PTPRT: variants seen among roughly 807,000 people sequenced by gnomAD.
PTPRT encodes protein tyrosine phosphatase receptor type T.
In PTPRT, 56 loss-of-function variants were observed where a neutral mutation model predicts 176.8. That is an observed-to-expected ratio of 0.32 (90% CI 0.26 to 0.40). PTPRT has a LOEUF of 0.40. Ranked by LOEUF, PTPRT falls within the 10% of genes least tolerant of loss-of-function variation. The pLI is 1.00. For missense variants in PTPRT, 1,540 were observed against 1,908.2 expected (o/e 0.81, Z 3.60); for synonymous variants, 783 against 739.0 (o/e 1.06, Z -0.96).
At chr20:42,180,357 T>C (rs1990466549) in intron 16 of PTPRT, among the ~76,000 whole-genome samples, 2 of 152,186 alleles carry the variant, frequency 1.3e-5, no homozygotes, top group Non-Finnish European at 2.9e-5. Context: ...ATCTGTTACC[T>C]TTTTAAAGTC....
intron 4 of PTPRT, among the ~76,000 whole-genome samples, chr20:42,779,693 G>A (rs572387355): frequency 6.6e-5 from 10 of 152,288 alleles, no homozygotes; most frequent in East Asian, 1.9e-4. Context: ...GACTCTTGAC[G>A]CTGTACCATA....
At chr20:42,164,003 C>T (rs1019310655) in intron 16 of PTPRT, among the ~76,000 whole-genome samples, 1 of 152,214 alleles carries the variant, frequency 6.6e-6, no homozygotes, top group Non-Finnish European at 1.5e-5. Flanking sequence ...TTTGATTCAT[C>T]TAGAGATGGT....
rs149182040 is a variant in PTPRT, at chr20:42,805,734, C to T, written c.215-14268G>A. Among the ~76,000 whole-genome samples the T allele has an allele frequency of 2.0e-3, 300 of 152,170 alleles. 2 individuals carry two copies. Among genetic ancestry groups the T allele is most frequent in the African/African-American group, 7.0e-3 (291 of 41,496 alleles). On this transcript the variant is annotated intron_variant, in intron 2 of 30. Coordinates refer to ENST00000373187, the MANE Select transcript of PTPRT (RefSeq NM_007050.6). Reference sequence around the variant, plus strand: ...GAAGTACCTTTGCAACGATTATTTCCCCAGGAAGGATCTATGAATGGTGTA... The same window carrying T: ...GAAGTACCTTTGCAACGATTATTTCTCCAGGAAGGATCTATGAATGGTGTA...
chr20:42,459,334 G>A (rs533736641), intron 8 of PTPRT, among the ~76,000 whole-genome samples: 30 of 152,308 alleles, frequency 2.0e-4, no homozygotes, highest in African/African-American at 3.6e-4. Flanking sequence ...GTGAAACTTC[G>A]GGTTTTTAAT....
At chr20:43,022,887 G>C (rs1285304773) in intron 1 of PTPRT, among the ~76,000 whole-genome samples, 1 of 152,162 alleles carries the variant, frequency 6.6e-6, no homozygotes, top group Non-Finnish European at 1.5e-5. Flanking sequence ...GGTTACTCCA[G>C]ACCTGCAGGG....
rs915458163 is a variant in PTPRT, at chr20:42,100,438, C to CT, written c.3714+1685dup. 4.5e-4 allele frequency among the ~76,000 whole-genome samples: 68 copies of CT among 152,200 alleles called. 1 individual carries two copies. Among genetic ancestry groups the CT allele is most frequent in the Middle Eastern group, 3.4e-3 (1 of 294 alleles). ...TGGGCTGGAATACAGATAAGGACGA[C>CT]TTTTTTTTGTTTTTAATATCAGAAA... On this transcript the variant is annotated intron_variant, in intron 26 of 30. Transcript: ENST00000373187.
intron 2 of PTPRT, among the ~76,000 whole-genome samples, chr20:42,805,818 C>T (rs1365116165): frequency 6.6e-6 from 1 of 152,060 alleles, no homozygotes; most frequent in Non-Finnish European, 1.5e-5. Flanking sequence ...ATCACGTGCC[C>T]ATATGCAATT....
chr20:42,256,819 G>C (rs1274990522), intron 13 of PTPRT, among the ~76,000 whole-genome samples: 1 of 152,172 alleles, frequency 6.6e-6, no homozygotes, highest in Non-Finnish European at 1.5e-5. Flanking sequence ...GAAACAAAAA[G>C]AGATGGTGGA....
intron 14 of PTPRT, among the ~76,000 whole-genome samples, chr20:42,245,620 T>A (rs1212779546): frequency 6.6e-6 from 1 of 152,156 alleles, no homozygotes. Flanking sequence ...ACCCTTCCCT[T>A]CATCCATGGA....
the PTPRT span, among the ~76,000 whole-genome samples, chr20:42,038,621 C>A: frequency 6.6e-6 from 1 of 152,192 alleles, no homozygotes; most frequent in African/African-American, 2.4e-5. Flanking sequence ...AGTTGTGTGA[C>A]ATTAGACATG....
chr20:42,647,125 G>A (rs2145954388), intron 7 of PTPRT, among the ~76,000 whole-genome samples: 1 of 151,830 alleles, frequency 6.6e-6, no homozygotes, highest in Non-Finnish European at 1.5e-5. Context: ...TCCAACTCCT[G>A]GGCTCAAGTG....
chr20:42,352,262 C>A lies in PTPRT; in HGVS notation c.1584G>T (p.Ser528=), dbSNP rs201153898. Residue 528 remains serine, a synonymous_variant, in exon 10 of 31, where the codon TCG becomes TCT. Coordinates refer to ENST00000373187, the MANE Select transcript of PTPRT (RefSeq NM_007050.6). ...LYEINYKAVG[S]LDPSADLSSQ... ...TCGAGAGGTCAGCACTTGGGTCCAG[C>A]GAGCCGACAGCCTTGTAGTTGATCT... The A allele has an allele frequency of 1.2e-6, 2 of 1,613,924 alleles. No homozygotes were observed. Among genetic ancestry groups the A allele is most frequent in the Non-Finnish European group, 8.5e-7 (1 of 1,179,998 alleles).
At chr20:43,094,316 G>C (rs548756647) in intron 1 of PTPRT, among the ~76,000 whole-genome samples, 17 of 148,552 alleles carry the variant, frequency 1.1e-4, no homozygotes, top group Non-Finnish European at 2.5e-4. Flanking sequence ...TCCATCTCTT[G>C]ACCTCGTGAT....
At chr20:42,144,347 A>G (rs1004386131) in intron 17 of PTPRT, among the ~76,000 whole-genome samples, 2 of 152,200 alleles carry the variant, frequency 1.3e-5, no homozygotes, top group Non-Finnish European at 2.9e-5. Context: ...TTTTAAAAAC[A>G]TGTTCAAAAT....
In PTPRT at chr20:42,243,047, AAGGGAGGG is replaced by A. The variant is rs367669516; in HGVS notation, c.2312+5632_2312+5639del. Among the ~76,000 whole-genome samples, 190 of 133,574 alleles carry A rather than the reference AAGGGAGGG, an allele frequency of 1.4e-3. 2 individuals carry two copies. The highest frequency in any genetic ancestry group is 4.9e-3 in the African/African-American group (180 of 36,536). 87.6% of individuals were successfully genotyped at this position (133,574 alleles called of 152,430 possible). ...GGAGGCAGAGGCAGAGGCAGAAAGGAAGGGAGGGAGGGAGGGAGGGAGGGGGAGAAAGA... is the reference window on the plus strand; with the variant it reads ...GGAGGCAGAGGCAGAGGCAGAAAGGAAGGGAGGGAGGGAGGGGGAGAAAGA... On this transcript the variant is annotated intron_variant, in intron 14 of 30. Coordinates refer to ENST00000373187, the MANE Select transcript of PTPRT (RefSeq NM_007050.6).
At chr20:43,177,900 A>G (rs905044733) in intron 1 of PTPRT, among the ~76,000 whole-genome samples, 5 of 152,230 alleles carry the variant, frequency 3.3e-5, no homozygotes. Flanking sequence ...CTTTTCCAAC[A>G]AAAATGGTGT....
At chr20:42,785,959 G>A (rs138670027) in intron 3 of PTPRT, among the ~76,000 whole-genome samples, 10 of 152,138 alleles carry the variant, frequency 6.6e-5, no homozygotes, top group Non-Finnish European at 1.5e-4. Flanking sequence ...TACATGTTGA[G>A]AGACGAACGT....
At chr20:42,297,695 C>T (rs973491284) in intron 12 of PTPRT, among the ~76,000 whole-genome samples, 4 of 151,964 alleles carry the variant, frequency 2.6e-5, no homozygotes, top group African/African-American at 9.7e-5. Context: ...GGATAGAATA[C>T]GACATCCAGA....
intron 7 of PTPRT, among the ~76,000 whole-genome samples, chr20:42,602,093 T>C (rs2073793053): frequency 6.6e-6 from 1 of 152,256 alleles, no homozygotes; most frequent in African/African-American, 2.4e-5. Flanking sequence ...GCCATCCCAA[T>C]GTCGTTCATT....
Sources: gnomAD v4.1 joint callset for allele counts (sites outside exome capture counted in the v4.1 genomes callset) on GRCh38, gnomAD v4.1.1 for gene constraint, MANE v1.5 for transcripts, NCBI Gene and HGNC (gene_info 2026-07-23, HGNC 2026-07-21) for gene names.